Variants in PSEN1 observed in about 807,000 individuals in gnomAD.
PSEN1 encodes presenilin-1.
Under a neutral mutation model 53.5 loss-of-function variants are expected in PSEN1, and 15 were observed. The observed-to-expected ratio is 0.28, with a 90% confidence interval of 0.19 to 0.43. PSEN1 has a LOEUF of 0.43. PSEN1 is among the 20% of genes least tolerant of loss of function. PSEN1 has a pLI of 1.00. For synonymous variants in PSEN1, 208 were observed against 209.8 expected, an observed-to-expected ratio of 0.99 and a Z score of 0.08; for missense variants, 387 against 571.2, an observed-to-expected ratio of 0.68 and a Z score of 3.29.
chr14:73,218,630 GAAGAATGCTCCCACACAGCATA>G (rs1250860721), intron 11 of PSEN1, among the ~76,000 whole-genome samples: 2 of 151,736 alleles, frequency 1.3e-5, no homozygotes, highest in African/African-American at 4.8e-5. Context: ...GCCTGTGCGG[GAAGAATGCTCCCACACAGCATA>G]AAGAATGCTC....
chr14:73,180,807 A>C (rs1898188380), intron 5 of PSEN1, among the ~76,000 whole-genome samples: 1 of 152,248 alleles, frequency 6.6e-6, no homozygotes, highest in Admixed American at 6.5e-5. Context: ...TGTGTATAAC[A>C]TAGTAATAAA....
rs543425886 is a variant in PSEN1, at chr14:73,197,523, AAGG to A, written c.770-505_770-503del. 1.2e-3 allele frequency among the ~76,000 whole-genome samples: 190 copies of A among 152,330 alleles called. 4 individuals carry two copies. Among genetic ancestry groups the A allele is most frequent in the Admixed American group, 0.012 (177 of 15,298 alleles). On this transcript the variant is annotated intron_variant, in intron 7 of 11. Coordinates refer to ENST00000324501, the MANE Select transcript of PSEN1 (RefSeq NM_000021.4). ...AGTAGTACGTAATACTGCTTTTAAA[AAGG>A]AGAAGGGATGAATTTCTTCTACTCT...
chr14:73,211,397 T>A (rs1337840205), intron 9 of PSEN1, among the ~76,000 whole-genome samples: 2 of 152,090 alleles, frequency 1.3e-5, no homozygotes, highest in Non-Finnish European at 2.9e-5. Flanking sequence ...GTGAGAAAAA[T>A]TTTCCCAGGA....
At chr14:73,202,585 G>C (rs1899273566) in intron 8 of PSEN1, among the ~76,000 whole-genome samples, 1 of 139,968 alleles carries the variant, frequency 7.1e-6, no homozygotes, top group Admixed American at 7.5e-5. Context: ...CCATTCTCCT[G>C]CCTCAGCCTC....
chr14:73,160,969 C>CTT lies in PSEN1; in HGVS notation c.88-9810_88-9809dup, dbSNP rs552718246. Among the ~76,000 whole-genome samples, 253 of 91,614 alleles carry CTT rather than the reference C, an allele frequency of 2.8e-3. 5 individuals carry two copies. The highest frequency in any genetic ancestry group is 8.4e-3 in the African/African-American group (201 of 23,828). 60.1% of individuals were successfully genotyped at this position (91,614 alleles called of 152,430 possible). On this transcript the variant is annotated intron_variant, in intron 3 of 11. Coordinates refer to ENST00000324501, the MANE Select transcript of PSEN1 (RefSeq NM_000021.4). ...AATCTCTTACCAGATATATGATTTG[C>CTT]TTTTTTTTTTTTTTTTTTTCGATAC...
chr14:73,204,182 G>C (rs895323148), intron 8 of PSEN1, among the ~76,000 whole-genome samples: 2 of 151,838 alleles, frequency 1.3e-5, no homozygotes, highest in African/African-American at 2.4e-5. Flanking sequence ...ATTTTTAGTA[G>C]AGACAGGGTT....
intron 5 of PSEN1, among the ~76,000 whole-genome samples, chr14:73,182,344 T>C (rs1446961907): frequency 6.6e-6 from 1 of 151,138 alleles, no homozygotes; most frequent in Non-Finnish European, 1.5e-5. Context: ...AATTAAAAAA[T>C]TAGCCAGGCA....
intron 3 of PSEN1, among the ~76,000 whole-genome samples, chr14:73,161,114 A>G (rs1295872723): frequency 6.6e-6 from 1 of 151,498 alleles, no homozygotes; most frequent in East Asian, 1.9e-4. Context: ...AGCTGGAACT[A>G]TAGGCACTCG....
At chr14:73,178,468 G>A (rs560242968) in intron 5 of PSEN1, among the ~76,000 whole-genome samples, 9 of 152,058 alleles carry the variant, frequency 5.9e-5, no homozygotes, top group South Asian at 2.1e-4. Context: ...GATTACAGAC[G>A]TGAGCCACCA....
chr14:73,184,761 C>G (rs1238934081), intron 5 of PSEN1, among the ~76,000 whole-genome samples: 1 of 151,650 alleles, frequency 6.6e-6, no homozygotes, highest in Non-Finnish European at 1.5e-5. Context: ...CCCCACCTCC[C>G]TCCCGGACGG....
At chr14:73,170,047 C>T (rs560741389) in intron 3 of PSEN1, among the ~76,000 whole-genome samples, 6 of 152,324 alleles carry the variant, frequency 3.9e-5, no homozygotes, top group Admixed American at 3.9e-4. Flanking sequence ...TACAAGGTAA[C>T]TTCCGGACGT....
At chr14:73,166,025 C>T (rs187618307) in intron 3 of PSEN1, among the ~76,000 whole-genome samples, 10 of 151,194 alleles carry the variant, frequency 6.6e-5, no homozygotes, top group East Asian at 1.9e-4. Context: ...CACTACTAGG[C>T]GACAGAATGA....
chr14:73,203,121 C>A (rs181081779), intron 8 of PSEN1, among the ~76,000 whole-genome samples: 1 of 152,178 alleles, frequency 6.6e-6, no homozygotes, highest in Non-Finnish European at 1.5e-5. Flanking sequence ...TCTTGTTGCC[C>A]AGGCTGAAGT....
intron 8 of PSEN1, among the ~76,000 whole-genome samples, chr14:73,203,803 C>A (rs2140119564): frequency 6.6e-6 from 1 of 152,214 alleles, no homozygotes; most frequent in Non-Finnish European, 1.5e-5. Flanking sequence ...TGAGGTAGAT[C>A]ATTTTATCTA....
chr14:73,196,376 T>C (rs968064462), intron 7 of PSEN1, among the ~76,000 whole-genome samples: 1 of 150,598 alleles, frequency 6.6e-6, no homozygotes, highest in African/African-American at 2.4e-5. Flanking sequence ...ATGTGTGTTT[T>C]ATTACTGTAC....
intron 3 of PSEN1, among the ~76,000 whole-genome samples, chr14:73,151,894 A>ATTTTTTT (rs56754992): frequency 1.3e-4 from 5 of 38,952 alleles, no homozygotes; most frequent in Non-Finnish European, 2.0e-4. Context: ...ATATATATAT[A>ATTTTTTT]TTTTTTTTTT....
At chr14:73,203,155 T>G (rs1230037071) in intron 8 of PSEN1, among the ~76,000 whole-genome samples, 1 of 152,132 alleles carries the variant, frequency 6.6e-6, no homozygotes, top group African/African-American at 2.4e-5. Flanking sequence ...CTCGGCTCAC[T>G]GCAACCTCCG....
chr14:73,150,171 A>G (rs1002931769), intron 3 of PSEN1, among the ~76,000 whole-genome samples: 5 of 152,208 alleles, frequency 3.3e-5, no homozygotes, highest in Admixed American at 1.3e-4. Context: ...AAACCTTAAC[A>G]TCTTATTTGC....
chr14:73,155,700 G>A (rs961902299), intron 3 of PSEN1, among the ~76,000 whole-genome samples: 22 of 151,464 alleles, frequency 1.5e-4, no homozygotes, highest in African/African-American at 5.1e-4. Context: ...CACTTTTTTT[G>A]TAGAGCTGGG....
Sources: gnomAD v4.1 joint callset for allele counts (sites outside exome capture counted in the v4.1 genomes callset) on GRCh38, gnomAD v4.1.1 for gene constraint, MANE v1.5 for transcripts, NCBI Gene and HGNC (gene_info 2026-07-23, HGNC 2026-07-21) for gene names.